The following CLXN variants were observed in gnomAD, a reference collection of about 807,000 sequenced individuals.
CLXN encodes calaxin.
the CLXN span, chr8:48,731,359 A>G: frequency 6.2e-7 from 1 of 1,611,668 alleles, no homozygotes; most frequent in Non-Finnish European, 8.5e-7. Flanking sequence ...TCTGTCCATA[A>G]TCATGTCATC....
the CLXN span, chr8:48,729,211 A>G: frequency 7.3e-7 from 1 of 1,363,994 alleles, no homozygotes; most frequent in Non-Finnish European, 1.0e-6. Flanking sequence ...TGCTCTTTTC[A>G]TAGTCAAGTG....
At chr8:48,725,753 G>A in the CLXN span, among the ~76,000 whole-genome samples, 36 of 152,008 alleles carry the variant, frequency 2.4e-4, 1 homozygote, top group Admixed American at 1.1e-3. Context: ...GCGGTGAGCC[G>A]AGATTGTGCC....
the CLXN span, among the ~76,000 whole-genome samples, chr8:48,732,489 T>C: frequency 6.6e-6 from 1 of 152,288 alleles, no homozygotes; most frequent in Non-Finnish European, 1.5e-5. Context: ...GGAAAAAAGA[T>C]TCAGCAAATA....
chr8:48,712,668 C>T, the CLXN span, among the ~76,000 whole-genome samples: 4 of 152,256 alleles, frequency 2.6e-5, no homozygotes, highest in African/African-American at 9.6e-5. Flanking sequence ...TTAAGGATGC[C>T]TCCATTAGAT....
At chr8:48,734,899 A>G in the CLXN span, among the ~76,000 whole-genome samples, 1 of 152,146 alleles carries the variant, frequency 6.6e-6, no homozygotes, top group African/African-American at 2.4e-5. Flanking sequence ...CTGGGTTCCT[A>G]AGATCAAACG....
the CLXN span, chr8:48,716,463 A>C: frequency 6.6e-6 from 1 of 152,410 alleles, no homozygotes; most frequent in Non-Finnish European, 1.5e-5. Flanking sequence ...AGGGCTCCTC[A>C]AGCGCGGACA....
the CLXN span, among the ~76,000 whole-genome samples, chr8:48,731,025 T>A: frequency 7.2e-5 from 11 of 152,320 alleles, no homozygotes; most frequent in Middle Eastern, 3.4e-3. Context: ...CACTGAAATA[T>A]CTTCTATGAT....
the CLXN span, chr8:48,713,580 C>A: frequency 2.6e-5 from 4 of 152,078 alleles, no homozygotes; most frequent in Non-Finnish European, 5.9e-5. Context: ...TGGGGGGAGG[C>A]AGGAGAGGCG....
chr8:48,718,542 G>T, the CLXN span, among the ~76,000 whole-genome samples: 1 of 152,108 alleles, frequency 6.6e-6, no homozygotes, highest in Non-Finnish European at 1.5e-5. Flanking sequence ...TGTAAGGTTA[G>T]ATCACATGTT....
chr8:48,725,022 C>T, the CLXN span, among the ~76,000 whole-genome samples: 3 of 152,202 alleles, frequency 2.0e-5, no homozygotes, highest in African/African-American at 7.2e-5. Context: ...ATTGACCCAA[C>T]TCTCCAAAAG....
chr8:48,729,629 G>A, the CLXN span: 3 of 1,216,492 alleles, frequency 2.5e-6, no homozygotes, highest in Non-Finnish European at 1.1e-6. Context: ...AGCAAGCAGA[G>A]AACTGAAAAT....
the CLXN span, among the ~76,000 whole-genome samples, chr8:48,726,298 C>G: frequency 6.8e-6 from 1 of 146,144 alleles, no homozygotes; most frequent in Non-Finnish European, 1.5e-5. Context: ...CATCCACCCA[C>G]CTATCCATCC....
the CLXN span, chr8:48,723,885 G>T: frequency 2.6e-5 from 4 of 152,630 alleles, no homozygotes; most frequent in African/African-American, 9.6e-5. Flanking sequence ...AGGACAGAGG[G>T]GGGCTTTGGC....
the CLXN span, among the ~76,000 whole-genome samples, chr8:48,728,111 A>G: frequency 3.3e-5 from 5 of 152,216 alleles, no homozygotes; most frequent in Admixed American, 1.3e-4. Context: ...TTTCTATATC[A>G]CATCACACTG....
chr8:48,721,212 G>A, the CLXN span, among the ~76,000 whole-genome samples: 1 of 151,902 alleles, frequency 6.6e-6, no homozygotes, highest in Non-Finnish European at 1.5e-5. Flanking sequence ...ATTCCTAATA[G>A]CAGCAAAAAA....
At chr8:48,734,762 T>G in the CLXN span, 1 of 252,558 alleles carries the variant, frequency 4.0e-6, no homozygotes, top group Non-Finnish European at 7.5e-6. Flanking sequence ...TTGAGACCAG[T>G]TGGTTTTAGC....
the CLXN span, chr8:48,713,924 G>A: frequency 6.6e-6 from 1 of 152,280 alleles, no homozygotes; most frequent in Non-Finnish European, 1.5e-5. Context: ...TGCTGCTTGC[G>A]AGGTGATGTC....
At chr8:48,718,134 T>G in the CLXN span, among the ~76,000 whole-genome samples, 1 of 152,086 alleles carries the variant, frequency 6.6e-6, no homozygotes, top group Non-Finnish European at 1.5e-5. Flanking sequence ...AGTTAAAGGA[T>G]GGAAAAAGAT....
At chr8:48,733,456 G>A in the CLXN span, among the ~76,000 whole-genome samples, 1 of 152,248 alleles carries the variant, frequency 6.6e-6, no homozygotes, top group South Asian at 2.1e-4. Flanking sequence ...GTAGAACAGT[G>A]CATGAACTAG....
Sources: gnomAD v4.1 joint callset for allele counts (sites outside exome capture counted in the v4.1 genomes callset) on GRCh38, gnomAD v4.1.1 for gene constraint, MANE v1.5 for transcripts, NCBI Gene and HGNC (gene_info 2026-07-23, HGNC 2026-07-21) for gene names.